MAGI1: variants seen among roughly 807,000 people sequenced by gnomAD.
MAGI1 encodes membrane-associated guanylate kinase, WW and PDZ domain-containing protein 1.
Under a neutral mutation model 139.9 loss-of-function variants are expected in MAGI1, and 58 were observed. The observed-to-expected ratio is 0.41, with a 90% CI of 0.34 to 0.52. The LOEUF (loss-of-function observed/expected upper bound fraction) is 0.52, where lower values mean the gene tolerates loss of function less well. Ranked by LOEUF, MAGI1 falls within the 20% of genes least tolerant of loss-of-function variation. The pLI is 0.12. For missense variants in MAGI1, 1,874 were observed against 1,901.6 expected (o/e 0.99, Z 0.27); for synonymous variants, 812 against 737.9 (o/e 1.10, Z -1.63).
intron 12 of MAGI1, among the ~76,000 whole-genome samples, chr3:65,424,739 G>A (rs564001086): frequency 3.5e-4 from 54 of 152,184 alleles, no homozygotes; most frequent in African/African-American, 1.3e-3. Context: ...ACTCAGAAAC[G>A]AAAATATTAA....
At chr3:65,792,673 G>T (rs145084142) in intron 1 of MAGI1, among the ~76,000 whole-genome samples, 10 of 152,030 alleles carry the variant, frequency 6.6e-5, no homozygotes, top group Non-Finnish European at 1.3e-4. Flanking sequence ...GGGAAGTGGC[G>T]TATACAGCAT....
In MAGI1 at chr3:65,443,819, G is replaced by A. The variant is rs72896321; in HGVS notation, c.1079-970C>T. 8.3e-3 allele frequency among the ~76,000 whole-genome samples: 1,264 copies of A among 152,270 alleles called. 17 individuals are homozygous for A. The highest frequency in any genetic ancestry group is 0.028 in the African/African-American group (1,172 of 41,540). On this transcript the variant is annotated intron_variant, in intron 7 of 22. Transcript: ENST00000402939. ...AAGTGAATAATTAGTCCTAGAAGTA[G>A]CTATTAAGACCAACTTTGATAGAAT... is the stretch of plus-strand genomic sequence containing the variant.
intron 1 of MAGI1, among the ~76,000 whole-genome samples, chr3:65,667,056 G>A (rs555156887): frequency 3.3e-5 from 5 of 152,280 alleles, no homozygotes; most frequent in African/African-American, 7.2e-5. Context: ...CTATTTGTTC[G>A]CAGTGAGTGA....
chr3:65,899,688 T>A (rs1696497158), intron 1 of MAGI1, among the ~76,000 whole-genome samples: 1 of 152,214 alleles, frequency 6.6e-6, no homozygotes, highest in Non-Finnish European at 1.5e-5. Context: ...GCAAGGGCCT[T>A]GGTGCCAATG....
chr3:65,640,275 T>C (rs1350477959), intron 1 of MAGI1, among the ~76,000 whole-genome samples: 1 of 152,182 alleles, frequency 6.6e-6, no homozygotes, highest in Non-Finnish European at 1.5e-5. Flanking sequence ...TAATACATCA[T>C]CTGCCTCCTT....
At chr3:65,863,129 A>C (rs1211730618) in intron 1 of MAGI1, among the ~76,000 whole-genome samples, 1 of 152,220 alleles carries the variant, frequency 6.6e-6, no homozygotes, top group Non-Finnish European at 1.5e-5. Context: ...TTCTATCAGA[A>C]AGGACCAAAT....
At chr3:65,568,058 G>T (rs745692250) in intron 2 of MAGI1, among the ~76,000 whole-genome samples, 1 of 152,064 alleles carries the variant, frequency 6.6e-6, no homozygotes, top group Non-Finnish European at 1.5e-5. Flanking sequence ...TCAAAGCACA[G>T]TCCTAAGGGA....
intron 1 of MAGI1, among the ~76,000 whole-genome samples, chr3:65,686,106 G>C (rs929109685): frequency 2.0e-5 from 3 of 152,110 alleles, no homozygotes; most frequent in Non-Finnish European, 2.9e-5. Context: ...CAATAACTGT[G>C]ACTCTCTACT....
intron 1 of MAGI1, among the ~76,000 whole-genome samples, chr3:65,709,041 G>A (rs1182461400): frequency 2.0e-5 from 3 of 152,164 alleles, no homozygotes; most frequent in Admixed American, 6.5e-5. Flanking sequence ...CTCAGAAGAG[G>A]GACAAGCCTG....
intron 5 of MAGI1, among the ~76,000 whole-genome samples, chr3:65,465,913 G>T (rs557398953): frequency 2.6e-5 from 4 of 152,010 alleles, no homozygotes; most frequent in Admixed American, 6.5e-5. Context: ...TTGGTTGGTT[G>T]GTTTTCTTCC....
At chr3:65,693,846 C>A (rs1354282904) in intron 1 of MAGI1, among the ~76,000 whole-genome samples, 13 of 152,064 alleles carry the variant, frequency 8.5e-5, no homozygotes, top group Non-Finnish European at 1.6e-4. Flanking sequence ...GCCTCAGCCC[C>A]CGAGCAGCTG....
intron 1 of MAGI1, among the ~76,000 whole-genome samples, chr3:65,859,137 C>T (rs912224461): frequency 2.0e-5 from 3 of 151,972 alleles, no homozygotes; most frequent in East Asian, 3.9e-4. Flanking sequence ...GTTCGAGACC[C>T]GCTTGGCCAA....
chr3:65,567,608 T>G (rs1376206591), intron 2 of MAGI1, among the ~76,000 whole-genome samples: 1 of 152,158 alleles, frequency 6.6e-6, no homozygotes, highest in Non-Finnish European at 1.5e-5. Context: ...AAGCTGAGGC[T>G]GGTGGATCAC....
intron 5 of MAGI1, among the ~76,000 whole-genome samples, chr3:65,468,460 C>T (rs1166584369): frequency 6.7e-6 from 1 of 148,982 alleles, no homozygotes; most frequent in Non-Finnish European, 1.5e-5. Flanking sequence ...ACTGCAACCT[C>T]CACCTCCCAG....
intron 1 of MAGI1, chr3:65,688,244 G>A (rs1331250383): frequency 1.2e-6 from 1 of 833,418 alleles, no homozygotes; most frequent in African/African-American, 1.7e-5. Flanking sequence ...ACACAGCCCA[G>A]ACTCTGGTCT....
At chr3:65,960,832 A>G (rs1486660903) in intron 1 of MAGI1, among the ~76,000 whole-genome samples, 17 of 152,118 alleles carry the variant, frequency 1.1e-4, no homozygotes, top group Non-Finnish European at 2.5e-4. Flanking sequence ...TTGCTCCTAT[A>G]TGGCCACAAA....
At chr3:65,964,095 C>T (rs2064611958) in intron 1 of MAGI1, among the ~76,000 whole-genome samples, 1 of 152,162 alleles carries the variant, frequency 6.6e-6, no homozygotes, top group South Asian at 2.1e-4. Flanking sequence ...GAGCCACCAT[C>T]CTGAAGACTG....
chr3:65,839,782 C>G lies in MAGI1; in HGVS notation c.313+198214G>C. Reference sequence around the variant, plus strand: ...TTATCAAAATTCAAGACTTTTGCTACACAGAAGACCTGTGAAGATGAAAAA... The same window carrying G: ...TTATCAAAATTCAAGACTTTTGCTAGACAGAAGACCTGTGAAGATGAAAAA... On this transcript the variant is annotated intron_variant, in intron 1 of 22. Coordinates refer to ENST00000402939, the MANE Select transcript of MAGI1 (RefSeq NM_001033057.2). 1.3e-5 allele frequency among the ~76,000 whole-genome samples: 2 copies of G among 152,108 alleles called. 1 individual carries two copies.
intron 3 of MAGI1, among the ~76,000 whole-genome samples, chr3:65,493,152 AT>A (rs749840579): frequency 2.0e-4 from 30 of 152,022 alleles, no homozygotes; most frequent in Non-Finnish European, 3.8e-4. Flanking sequence ...GGAAAGTGAT[AT>A]TTTATTTCTT....
Sources: gnomAD v4.1 joint callset for allele counts (sites outside exome capture counted in the v4.1 genomes callset) on GRCh38, gnomAD v4.1.1 for gene constraint, MANE v1.5 for transcripts, NCBI Gene and HGNC (gene_info 2026-07-23, HGNC 2026-07-21) for gene names.